Variants in TMEM273 observed in about 807,000 individuals in gnomAD.
TMEM273 encodes chromosome 10 open reading frame 128.
Under a neutral mutation model 17.9 loss-of-function variants are expected in TMEM273, and 19 were observed. The observed-to-expected ratio is 1.06, with a 90% confidence interval of 0.74 to 1.55. The LOEUF is 1.55. Ranked by LOEUF, TMEM273 falls within the 40% of genes most tolerant of loss-of-function variation. The pLI is 0.00. For synonymous variants in TMEM273, 66 were observed against 62.0 expected (o/e 1.07, Z -0.31); for missense variants, 194 against 155.6 (o/e 1.25, Z -1.31).
chr10:49,176,153 G>A (rs972497919), intron 1 of TMEM273, among the ~76,000 whole-genome samples: 1 of 152,212 alleles, frequency 6.6e-6, no homozygotes, highest in African/African-American at 2.4e-5. Context: ...GAAGGAGTGT[G>A]TGCACAGAGT....
intron 1 of TMEM273, among the ~76,000 whole-genome samples, chr10:49,182,393 C>A (rs1010408322): frequency 6.6e-6 from 1 of 151,772 alleles, no homozygotes; most frequent in Admixed American, 6.6e-5. Flanking sequence ...GCCATCTTTT[C>A]ATTATAAATT....
chr10:49,162,256 G>A (rs527490349), intron 5 of TMEM273, among the ~76,000 whole-genome samples: 19 of 152,316 alleles, frequency 1.2e-4, no homozygotes, highest in Non-Finnish European at 2.4e-4. Context: ...CCACACAGAT[G>A]TATGTGTGTC....
intron 3 of TMEM273, among the ~76,000 whole-genome samples, chr10:49,166,138 G>C (rs1164579019): frequency 6.6e-6 from 1 of 152,156 alleles, no homozygotes; most frequent in Admixed American, 6.5e-5. Flanking sequence ...AGGCAGTGAG[G>C]CTCTATTCTC....
At chr10:49,176,745 G>A (rs960064337) in intron 1 of TMEM273, among the ~76,000 whole-genome samples, 1 of 152,106 alleles carries the variant, frequency 6.6e-6, no homozygotes, top group South Asian at 2.1e-4. Flanking sequence ...AGAGGAAACG[G>A]CAGCACACAG....
intron 1 of TMEM273, among the ~76,000 whole-genome samples, chr10:49,185,262 C>T (rs146169456): frequency 6.6e-6 from 1 of 152,152 alleles, no homozygotes; most frequent in East Asian, 1.9e-4. Context: ...AAAGAATATT[C>T]AAATACTGTT....
chr10:49,179,572 C>T (rs552337823), intron 1 of TMEM273, among the ~76,000 whole-genome samples: 148 of 152,264 alleles, frequency 9.7e-4, no homozygotes, highest in African/African-American at 3.2e-3. Flanking sequence ...TTCCCTATTC[C>T]TCTCACTAAG....
In TMEM273 at chr10:49,154,736, T is replaced by G. The variant is rs1845419316; in HGVS notation, c.*1156A>C. The G allele has an allele frequency of 6.6e-6, 1 of 152,204 alleles. No individual in the cohort carries two copies. Among genetic ancestry groups the G allele is most frequent in the Admixed American group, 6.5e-5 (1 of 15,274 alleles). 9.4% of individuals were successfully genotyped at this position (152,204 alleles called of 1,614,324 possible). A position where few individuals can be genotyped will look rare whatever the true frequency, so the allele number is the denominator to read the frequency against. On this transcript the variant is annotated 3_prime_UTR_variant, in exon 7 of 7. Transcript: ENST00000374153. ...TGAAGGAAGCAAATCAATTAGCAGA[T>G]CCCATACAAGATGGTTTATTTTATC...
At chr10:49,168,449 G>A (rs968136551) in intron 1 of TMEM273, among the ~76,000 whole-genome samples, 2 of 152,208 alleles carry the variant, frequency 1.3e-5, no homozygotes, top group East Asian at 1.9e-4. Flanking sequence ...CTCCGTAGCC[G>A]TGGTGCTTGC....
intron 1 of TMEM273, among the ~76,000 whole-genome samples, chr10:49,186,027 G>T (rs1430999592): frequency 6.8e-6 from 1 of 146,780 alleles, no homozygotes; most frequent in Non-Finnish European, 1.5e-5. Context: ...GGAAGAAGAA[G>T]AAGAAGAAAA....
intron 1 of TMEM273, among the ~76,000 whole-genome samples, chr10:49,182,820 TG>T (rs1471932566): frequency 6.6e-6 from 1 of 152,146 alleles, no homozygotes; most frequent in Non-Finnish European, 1.5e-5. Flanking sequence ...TTAATCAGGA[TG>T]GCAAAAATAC....
intron 1 of TMEM273, among the ~76,000 whole-genome samples, chr10:49,186,090 G>GAAA (rs1847683965): frequency 6.7e-6 from 1 of 149,060 alleles, no homozygotes; most frequent in Non-Finnish European, 1.5e-5. Flanking sequence ...AGAAGAAGAA[G>GAAA]AAGAAGAAGA....
In TMEM273 at chr10:49,155,547, C is replaced by T; in HGVS notation, c.*345G>A. ...GGGTCGGATTCCCCTTTTCATGAGC[C>T]ATTTTCTGTGGTAGGTTCCACGGAC... On this transcript the variant is annotated 3_prime_UTR_variant, in exon 7 of 7. Transcript: ENST00000374153. The T allele has an allele frequency of 2.8e-6, 1 of 359,804 alleles. No individual in the cohort carries two copies. The highest frequency in any genetic ancestry group is 5.2e-5 in the East Asian group (1 of 19,324). The allele number at this position is 359,804 out of a possible 1,614,324, so 22.3% of individuals were successfully genotyped here.
At chr10:49,179,299 G>C (rs529662722) in intron 1 of TMEM273, among the ~76,000 whole-genome samples, 6 of 152,206 alleles carry the variant, frequency 3.9e-5, no homozygotes, top group Non-Finnish European at 8.8e-5. Context: ...TGGCCTGTGG[G>C]GCTCGGCTTT....
chr10:49,157,296 A>G (rs1240479520), intron 6 of TMEM273, among the ~76,000 whole-genome samples: 1 of 152,250 alleles, frequency 6.6e-6, no homozygotes, highest in African/African-American at 2.4e-5. Context: ...CCAGAGAGCC[A>G]GGCACGATCT....
rs990613941 is a variant in TMEM273 at position 49,185,217 on chromosome 10, G to A, written c.43+3077C>T. 3.9e-5 allele frequency among the ~76,000 whole-genome samples: 6 copies of A among 152,246 alleles called. 1 individual carries two copies. Among genetic ancestry groups the A allele is most frequent in the Middle Eastern group, 6.8e-3 (2 of 294 alleles). ...AATTCAGAGTGTTGGCTCCATAAAT[G>A]TCTGTTCCATTAATCTCAGTGTTTG... On this transcript the variant is annotated intron_variant, in intron 1 of 6. Transcript: ENST00000374153.
Position 49,188,332 on chromosome 10 carries a change from T to A in TMEM273, c.5A>T (p.Asn2Ile). 6.2e-7 allele frequency: 1 copy of A among 1,614,126 alleles called. No individual in the cohort carries two copies. The highest frequency in any genetic ancestry group is 1.1e-5 in the South Asian group (1 of 91,078). ...GATCCTCAGCATGCTGACCCCCAAG[T>A]TCATGCTGGCGCTCTGCTCTTGGCT... M[N>I]LGVSMLRILF... The change falls in exon 1 of 7, where the codon AAC becomes ATC. Residue 2 changes from asparagine (N) to isoleucine (I), a missense_variant. By Grantham distance (149) the Asn-to-Ile change is moderately radical. Coordinates refer to ENST00000374153, the MANE Select transcript of TMEM273 (RefSeq NM_001288740.3).
At chr10:49,173,699 C>G (rs2132214624) in intron 1 of TMEM273, among the ~76,000 whole-genome samples, 1 of 152,296 alleles carries the variant, frequency 6.6e-6, no homozygotes, top group East Asian at 1.9e-4. Flanking sequence ...GCATGAGAGC[C>G]CTCGGAAGCT....
chr10:49,165,626 G>A (rs749704609), intron 4 of TMEM273, 140 bp downstream of exon 4: 49 of 1,313,932 alleles, frequency 3.7e-5, no homozygotes, highest in Non-Finnish European at 5.2e-5. Context: ...GTGTAAGGAG[G>A]GGACCACGAG....
intron 6 of TMEM273, chr10:49,161,278 A>G (rs1845824776): frequency 2.8e-6 from 1 of 361,398 alleles, no homozygotes; most frequent in Admixed American, 4.1e-5. Flanking sequence ...AAATTGGCTA[A>G]TTATTAGATT....
Sources: gnomAD v4.1 joint callset for allele counts (sites outside exome capture counted in the v4.1 genomes callset) on GRCh38, gnomAD v4.1.1 for gene constraint, MANE v1.5 for transcripts, NCBI Gene and HGNC (gene_info 2026-07-23, HGNC 2026-07-21) for gene names.